CLEC2A: variants seen among roughly 807,000 people sequenced by gnomAD.
The protein encoded by CLEC2A is keratinocyte-associated C-type lectin.
In CLEC2A, 19 loss-of-function variants were observed where a neutral mutation model predicts 18.6. The observed-to-expected ratio is 1.02, with a 90% CI of 0.71 to 1.50. The LOEUF (loss-of-function observed/expected upper bound fraction) is 1.50. CLEC2A is among the 40% of genes most tolerant of loss of function. The probability of loss-of-function intolerance (pLI) is 0.00; values close to 1 mark genes in which losing one functional copy is unlikely to be tolerated. For synonymous variants in CLEC2A, 74 were observed against 64.0 expected (o/e 1.16, Z -0.75); for missense variants, 190 against 207.9 (o/e 0.91, Z 0.53).
chr12:9,914,934 G>T (rs1863045343), intron 4 of CLEC2A, among the ~76,000 whole-genome samples: 1 of 151,750 alleles, frequency 6.6e-6, no homozygotes, highest in Non-Finnish European at 1.5e-5. Context: ...TAACAGAATG[G>T]GATAAAATTT....
At chr12:9,879,491 T>C in the CLEC2A span, among the ~76,000 whole-genome samples, 1 of 152,234 alleles carries the variant, frequency 6.6e-6, no homozygotes. Flanking sequence ...GGGAAAAAGC[T>C]GAGAACCTGT....
the CLEC2A span, among the ~76,000 whole-genome samples, chr12:9,889,357 A>T: frequency 6.6e-6 from 1 of 151,994 alleles, no homozygotes; most frequent in Non-Finnish European, 1.5e-5. Context: ...TGTCACTGGG[A>T]AGATATTTTT....
chr12:9,895,673 G>C, downstream of CLEC2A: 1 of 1,504,546 alleles, frequency 6.6e-7, no homozygotes, highest in Non-Finnish European at 8.8e-7. Flanking sequence ...TGAAAAATCT[G>C]TCCTTTGTCT....
chr12:9,913,363 G>A lies in CLEC2A; in HGVS notation c.*203C>T, dbSNP rs1012409538. The A allele has an allele frequency of 9.4e-5, 73 of 776,538 alleles. No individual in the cohort carries two copies. Among genetic ancestry groups the A allele is most frequent in the Non-Finnish European group, 1.3e-4 (69 of 531,336 alleles). 48.1% of individuals were successfully genotyped at this position (776,538 alleles called of 1,614,324 possible). A position where few individuals can be genotyped will look rare whatever the true frequency, so the allele number is the denominator to read the frequency against. On this transcript the variant is annotated 3_prime_UTR_variant, in exon 5 of 5. Coordinates refer to ENST00000455827, the MANE Select transcript of CLEC2A (RefSeq NM_001130711.2). ...ATGGAGCCATAGTAAATGTGATTGT[G>A]CCCTTATAAAAGGCTCCAGAGAACG...
intron 4 of CLEC2A, among the ~76,000 whole-genome samples, chr12:9,899,537 A>G (rs1358199765): frequency 6.6e-5 from 10 of 152,212 alleles, no homozygotes; most frequent in Non-Finnish European, 1.5e-5. Context: ...GCAGATACCC[A>G]GGGTATGTGA....
downstream of CLEC2A, among the ~76,000 whole-genome samples, chr12:9,894,025 T>C (rs1280102796): frequency 1.3e-5 from 2 of 152,014 alleles, no homozygotes; most frequent in Non-Finnish European, 2.9e-5. Context: ...TCTTTTTCTT[T>C]TCTTCTCTTT....
Position 9,929,754 on chromosome 12 carries a change from A to C in CLEC2A, c.55+2521T>G, listed in dbSNP as rs545857686. On this transcript the variant is annotated intron_variant, in intron 1 of 4. Transcript: ENST00000455827. ...TTGTTTGGAAATCAAAAAGTCTATT[A>C]AATCGGGGTAAATTTCTCATTTTGC... 1.6e-4 allele frequency among the ~76,000 whole-genome samples: 24 copies of C among 152,244 alleles called. No individual in the cohort carries two copies. The South Asian group carries it at 5.0e-3, about 32-fold the overall frequency.
the CLEC2A span, among the ~76,000 whole-genome samples, chr12:9,891,943 C>T: frequency 9.1e-4 from 139 of 152,060 alleles, no homozygotes; most frequent in Non-Finnish European, 1.5e-3. Context: ...AATATTTAAT[C>T]CAGCCATTCA....
intron 3 of CLEC2A, among the ~76,000 whole-genome samples, chr12:9,921,588 AAAAC>A (rs974590252): frequency 1.4e-4 from 21 of 152,284 alleles, no homozygotes; most frequent in Admixed American, 2.6e-4. Context: ...CTCTGTCTTA[AAAAC>A]AAACAAACAA....
chr12:9,922,145 G>A lies in CLEC2A; in HGVS notation c.227C>T (p.Thr76Ile), dbSNP rs1318544296. 6.5e-7 allele frequency: 1 copy of A among 1,550,018 alleles called. No individual in the cohort carries two copies. Among genetic ancestry groups the A allele is most frequent in the Non-Finnish European group, 8.7e-7 (1 of 1,146,072 alleles). The change falls in exon 3 of 5, where the codon ACC becomes ATC. Residue 76 changes from threonine to isoleucine, a missense_variant. Transcript: ENST00000455827. Reference protein sequence around the residue: ...RDKCFYFSDDTRNWTASKIFC... With the variant: ...RDKCFYFSDDIRNWTASKIFC... ...TATTTTACTGGCTGTCCAATTTCTG[G>A]TATCATCAGAAAAATAGAAACACTT...
At chr12:9,881,880 CGAT>C in the CLEC2A span, among the ~76,000 whole-genome samples, 1 of 152,002 alleles carries the variant, frequency 6.6e-6, no homozygotes, top group Non-Finnish European at 1.5e-5. Context: ...GCGAATATGA[CGAT>C]GTGTAATCCT....
At position 9,913,558 on chromosome 12, in the gene CLEC2A, T is replaced by C; in HGVS notation, c.*8A>G. ...AAGTGTGATAATCATTTTCAAGTTT[T>C]TTCTGCTCTATAAAAAATATTTAGG... On this transcript the variant is annotated 3_prime_UTR_variant, in exon 5 of 5. Coordinates refer to ENST00000455827, the MANE Select transcript of CLEC2A (RefSeq NM_001130711.2). 2 of 1,537,640 alleles carry C rather than the reference T, an allele frequency of 1.3e-6. No homozygotes were observed. Among genetic ancestry groups the C allele is most frequent in the South Asian group, 1.2e-5 (1 of 81,178 alleles).
intron 1 of CLEC2A, among the ~76,000 whole-genome samples, chr12:9,927,014 G>A (rs1048601353): frequency 3.9e-5 from 6 of 152,016 alleles, no homozygotes; most frequent in Non-Finnish European, 5.9e-5. Flanking sequence ...AACAATCTAG[G>A]AAGAATGTGC....
chr12:9,886,726 G>C, the CLEC2A span, among the ~76,000 whole-genome samples: 1 of 148,062 alleles, frequency 6.8e-6, no homozygotes, highest in African/African-American at 2.5e-5. Context: ...TCAATCTGTC[G>C]GTCTATTTAC....
chr12:9,921,690 A>T (rs545448492), intron 3 of CLEC2A, among the ~76,000 whole-genome samples: 2 of 152,226 alleles, frequency 1.3e-5, no homozygotes, highest in African/African-American at 4.8e-5. Flanking sequence ...GTAAATTAAC[A>T]TATATTTTCA....
chr12:9,916,266 T>A (rs961450340), intron 4 of CLEC2A, among the ~76,000 whole-genome samples: 17 of 152,046 alleles, frequency 1.1e-4, no homozygotes, highest in Non-Finnish European at 2.5e-4. Flanking sequence ...GTATTCATTG[T>A]GGTGGGCATT....
At chr12:9,931,004 A>G (rs1863366917) in intron 1 of CLEC2A, among the ~76,000 whole-genome samples, 1 of 151,898 alleles carries the variant, frequency 6.6e-6, no homozygotes, top group Admixed American at 6.5e-5. Context: ...TCTTCATTTC[A>G]TTAATATCTT....
At chr12:9,904,900 T>A (rs184968234) in intron 4 of CLEC2A, among the ~76,000 whole-genome samples, 1 of 152,204 alleles carries the variant, frequency 6.6e-6, no homozygotes, top group African/African-American at 2.4e-5. Context: ...GCCAAACATC[T>A]GTCCAGTCAC....
At chr12:9,927,149 C>T (rs1342945073) in intron 1 of CLEC2A, among the ~76,000 whole-genome samples, 3 of 152,060 alleles carry the variant, frequency 2.0e-5, no homozygotes, top group Non-Finnish European at 2.9e-5. Flanking sequence ...TGTACTTACA[C>T]AAACTTAGAC....
Sources: gnomAD v4.1 joint callset for allele counts (sites outside exome capture counted in the v4.1 genomes callset) on GRCh38, gnomAD v4.1.1 for gene constraint, MANE v1.5 for transcripts, NCBI Gene and HGNC (gene_info 2026-07-23, HGNC 2026-07-21) for gene names.